The following FIG4 variants were observed in gnomAD, a reference collection of about 807,000 sequenced individuals.
The protein encoded by FIG4 is polyphosphoinositide phosphatase.
In FIG4, 112 loss-of-function variants were observed where a neutral mutation model predicts 118.6. The observed-to-expected ratio is 0.94, with a 90% CI of 0.81 to 1.11. The LOEUF is 1.11. Among genes scored for constraint, FIG4 ranks in the 50% least tolerant of loss-of-function variants. The pLI is 0.00. For synonymous variants in FIG4, 369 were observed against 381.2 expected, an observed-to-expected ratio of 0.97 and a Z score of 0.37; for missense variants, 969 against 1,111.7, an observed-to-expected ratio of 0.87 and a Z score of 1.83.
At position 109,735,012 on chromosome 6, in the gene FIG4, A is replaced by G. The variant is rs143823454; in HGVS notation, c.498-138A>G. ...TATTTTGCTGTGTTTTACAGTGCTT[A>G]TTTGAATAGCATTGCTTCCAAATAA... On this transcript the variant is annotated intron_variant, in intron 5 of 22. Transcript: ENST00000230124. 5.9e-3 allele frequency: 4,418 copies of G among 754,714 alleles called. 33 individuals are homozygous for G. The highest frequency in any genetic ancestry group is 0.012 in the Middle Eastern group (40 of 3,374). The allele number at this position is 754,714 out of a possible 1,614,324, so 46.8% of individuals were successfully genotyped here.
chr6:109,819,428 G>A (rs1778945998), intron 22 of FIG4, among the ~76,000 whole-genome samples: 1 of 152,094 alleles, frequency 6.6e-6, no homozygotes, highest in Admixed American at 6.6e-5. Flanking sequence ...ATAGCTTTTG[G>A]GATTTCAGGA....
At chr6:109,778,692 G>T (rs541170340) in intron 16 of FIG4, among the ~76,000 whole-genome samples, 1 of 151,496 alleles carries the variant, frequency 6.6e-6, no homozygotes, top group South Asian at 2.1e-4. Context: ...TCTGCCTCCC[G>T]GGTTCACGCC....
At chr6:109,723,394 A>C (rs1201650139) in intron 3 of FIG4, among the ~76,000 whole-genome samples, 1 of 152,222 alleles carries the variant, frequency 6.6e-6, no homozygotes, top group Non-Finnish European at 1.5e-5. Flanking sequence ...TTTAGTCACC[A>C]ATATAGAACC....
At chr6:109,794,385 T>G (rs1778220138) in intron 21 of FIG4, among the ~76,000 whole-genome samples, 2 of 152,228 alleles carry the variant, frequency 1.3e-5, no homozygotes, top group African/African-American at 2.4e-5. Flanking sequence ...CTGCTTATGA[T>G]GCAGACCTTG....
At chr6:109,784,927 A>G in intron 16 of FIG4, 43 bp from the exon 17 acceptor site, 1 of 1,090,506 alleles carries the variant, frequency 9.2e-7, no homozygotes, top group Non-Finnish European at 1.4e-6. Flanking sequence ...GAAAACCAAC[A>G]TTTACATTTG....
chr6:109,714,397 C>T (rs532369778), intron 1 of FIG4, among the ~76,000 whole-genome samples: 8 of 152,316 alleles, frequency 5.3e-5, no homozygotes, highest in Admixed American at 2.6e-4. Flanking sequence ...CCCTTGGTGG[C>T]AGCTGTTCCG....
At chr6:109,764,211 G>A (rs558266980) in intron 13 of FIG4, among the ~76,000 whole-genome samples, 38 of 152,142 alleles carry the variant, frequency 2.5e-4, no homozygotes, top group Admixed American at 5.9e-4. Context: ...GGCCGGAGTG[G>A]GCAGATCATG....
chr6:109,800,205 C>T (rs892287118), intron 22 of FIG4, among the ~76,000 whole-genome samples: 9 of 152,074 alleles, frequency 5.9e-5, no homozygotes, highest in Non-Finnish European at 1.3e-4. Flanking sequence ...TATCAATGCC[C>T]GTTGTTGCCA....
intron 15 of FIG4, among the ~76,000 whole-genome samples, chr6:109,776,590 T>C (rs977725073): frequency 6.6e-6 from 1 of 152,184 alleles, no homozygotes; most frequent in East Asian, 1.9e-4. Flanking sequence ...TGAGGATATA[T>C]TTTCATTTTA....
At chr6:109,824,873 A>G (rs932643111) in intron 22 of FIG4, among the ~76,000 whole-genome samples, 4 of 152,118 alleles carry the variant, frequency 2.6e-5, no homozygotes, top group African/African-American at 9.7e-5. Context: ...TGCCTATGCA[A>G]TCAGGTGAGG....
chr6:109,807,919 T>G (rs1332092001), intron 22 of FIG4, among the ~76,000 whole-genome samples: 2 of 152,148 alleles, frequency 1.3e-5, no homozygotes, highest in Admixed American at 6.6e-5. Context: ...AGATGTGTGA[T>G]GTTTTTTCTG....
At chr6:109,697,943 C>T (rs1774781496) in intron 1 of FIG4, among the ~76,000 whole-genome samples, 1 of 151,068 alleles carries the variant, frequency 6.6e-6, no homozygotes, top group South Asian at 2.1e-4. Flanking sequence ...GGCTGGAGTG[C>T]AATGGCACGA....
At chr6:109,795,095 G>GTTTTTTTTTTTTTTTTTTTTTTTTTTTT (rs571649446) in intron 21 of FIG4, among the ~76,000 whole-genome samples, 3 of 57,250 alleles carry the variant, frequency 5.2e-5, no homozygotes, top group Non-Finnish European at 1.0e-4. Flanking sequence ...ACACTTGCCA[G>GTTTTTTTTTTTTTTTTTTTTTTTTTTTT]TTTTTTTTTT....
intron 5 of FIG4, 40 bp downstream of exon 5, chr6:109,732,727 A>T: frequency 8.3e-7 from 1 of 1,209,568 alleles, no homozygotes; most frequent in Admixed American, 1.8e-5. Flanking sequence ...AATCACATAA[A>T]CTTTTATATT....
chr6:109,717,498 TAA>T (rs545862092), intron 3 of FIG4, among the ~76,000 whole-genome samples: 91 of 152,290 alleles, frequency 6.0e-4, no homozygotes, highest in Admixed American at 2.2e-3. Flanking sequence ...TGGCAGAGGA[TAA>T]AATCCAATGT....
chr6:109,710,169 G>C (rs936375223), intron 1 of FIG4, among the ~76,000 whole-genome samples: 4 of 151,982 alleles, frequency 2.6e-5, no homozygotes, highest in Non-Finnish European at 5.9e-5. Flanking sequence ...TAACATGAAT[G>C]GATGTTGAAT....
chr6:109,783,604 A>G (rs1429072942), intron 16 of FIG4, among the ~76,000 whole-genome samples: 1 of 152,260 alleles, frequency 6.6e-6, no homozygotes, highest in Non-Finnish European at 1.5e-5. Flanking sequence ...TCTGACACAT[A>G]GCAGGTGCTT....
At chr6:109,819,911 C>T (rs1778959542) in intron 22 of FIG4, among the ~76,000 whole-genome samples, 1 of 152,262 alleles carries the variant, frequency 6.6e-6, no homozygotes. Context: ...CTAAATCTTT[C>T]TTAAAAAGCC....
intron 1 of FIG4, among the ~76,000 whole-genome samples, chr6:109,703,151 T>C (rs1774956478): frequency 6.6e-6 from 1 of 152,106 alleles, no homozygotes; most frequent in South Asian, 2.1e-4. Flanking sequence ...CACCCTCAGG[T>C]TTGATTGATA....
Sources: gnomAD v4.1 joint callset for allele counts (sites outside exome capture counted in the v4.1 genomes callset) on GRCh38, gnomAD v4.1.1 for gene constraint, MANE v1.5 for transcripts, NCBI Gene and HGNC (gene_info 2026-07-23, HGNC 2026-07-21) for gene names.